Variants in SEMA6D observed in about 807,000 individuals in gnomAD.
SEMA6D encodes semaphorin-6D.
A neutral mutation model predicts 106.6 loss-of-function variants in SEMA6D; 35 were observed. The observed-to-expected ratio is 0.33, with a 90% CI of 0.25 to 0.44. The LOEUF is 0.44. Ranked by LOEUF, SEMA6D falls within the 20% of genes least tolerant of loss-of-function variation. The pLI, the probability that SEMA6D is intolerant of heterozygous loss-of-function variation, is 1.00. For synonymous variants in SEMA6D, 499 were observed against 487.7 expected, an observed-to-expected ratio of 1.02 and a Z score of -0.31; for missense variants, 1,185 against 1,345.9, an observed-to-expected ratio of 0.88 and a Z score of 1.87.
At chr15:47,281,908 G>T (rs1283266966) in intron 1 of SEMA6D, among the ~76,000 whole-genome samples, 1 of 151,868 alleles carries the variant, frequency 6.6e-6, no homozygotes, top group Non-Finnish European at 1.5e-5. Flanking sequence ...TACAAATAAG[G>T]ATATTAAAGC....
At chr15:47,422,389 T>C (rs974490495) in intron 2 of SEMA6D, among the ~76,000 whole-genome samples, 4 of 152,026 alleles carry the variant, frequency 2.6e-5, no homozygotes, top group Non-Finnish European at 5.9e-5. Flanking sequence ...AAGCTCAGTT[T>C]CTTGATTGAT....
chr15:47,700,772 T>C (rs2078794054), intron 4 of SEMA6D, among the ~76,000 whole-genome samples: 1 of 151,970 alleles, frequency 6.6e-6, no homozygotes, highest in African/African-American at 2.4e-5. Context: ...TTTTAAAGTA[T>C]AGTATTGGCA....
rs548151024 is a variant in SEMA6D, at chr15:47,682,706, C to T, written c.-54-77039C>T. 3.3e-5 allele frequency among the ~76,000 whole-genome samples: 5 copies of T among 152,314 alleles called. No individual in the cohort carries two copies. In the East Asian group the frequency reaches 9.7e-4, roughly 29 times the overall value. On this transcript the variant is annotated intron_variant, in intron 4 of 19. Coordinates refer to the SEMA6D transcript ENST00000558014. ...AAAGACCAATTAAACTACTGCAAATCATTCGGTACCATTGCTCTAAGAATA... is the reference window on the plus strand; with the variant it reads ...AAAGACCAATTAAACTACTGCAAATTATTCGGTACCATTGCTCTAAGAATA...
chr15:47,379,031 A>G (rs1309616276), intron 1 of SEMA6D, among the ~76,000 whole-genome samples: 1 of 152,234 alleles, frequency 6.6e-6, no homozygotes, highest in African/African-American at 2.4e-5. Context: ...ATTATGTTGG[A>G]AGATTTTTTC....
intron 1 of SEMA6D, among the ~76,000 whole-genome samples, chr15:47,233,412 A>G (rs556747235): frequency 4.6e-5 from 7 of 152,092 alleles, no homozygotes; most frequent in Non-Finnish European, 7.4e-5. Flanking sequence ...CATTTTGGCT[A>G]TTTGGGATTT....
intron 4 of SEMA6D, among the ~76,000 whole-genome samples, chr15:47,630,744 G>A (rs116276163): frequency 0.013 from 1,935 of 151,792 alleles, 43 homozygotes; most frequent in African/African-American, 0.044. Flanking sequence ...TTGTGGATGC[G>A]TATTATTGAG....
chr15:47,271,274 T>G (rs1289760638), intron 1 of SEMA6D, among the ~76,000 whole-genome samples: 1 of 151,970 alleles, frequency 6.6e-6, no homozygotes, highest in East Asian at 1.9e-4. Context: ...GAAAAGGAAG[T>G]GGGTCTAGGG....
chr15:47,566,820 T>C (rs1243969411), intron 3 of SEMA6D, among the ~76,000 whole-genome samples: 1 of 152,194 alleles, frequency 6.6e-6, no homozygotes, highest in Non-Finnish European at 1.5e-5. Flanking sequence ...GTGATAGTGT[T>C]TAACACAGGC....
intron 1 of SEMA6D, among the ~76,000 whole-genome samples, chr15:47,250,844 C>G (rs976568620): frequency 6.6e-6 from 1 of 152,148 alleles, no homozygotes; most frequent in Non-Finnish European, 1.5e-5. Flanking sequence ...TGAATAGTTG[C>G]CATGTTTTCA....
At chr15:47,526,485 C>G (rs1314381836) in intron 3 of SEMA6D, among the ~76,000 whole-genome samples, 1 of 152,160 alleles carries the variant, frequency 6.6e-6, no homozygotes, top group Non-Finnish European at 1.5e-5. Context: ...TATTAATAAT[C>G]CTCCCAAAAG....
chr15:47,366,360 G>A (rs959881465), intron 1 of SEMA6D, among the ~76,000 whole-genome samples: 3 of 152,204 alleles, frequency 2.0e-5, no homozygotes, highest in African/African-American at 4.8e-5. Context: ...GCAAAGCCAC[G>A]TGTGGCAGCT....
intron 2 of SEMA6D, among the ~76,000 whole-genome samples, chr15:47,455,754 C>T (rs2042327805): frequency 6.6e-6 from 1 of 151,880 alleles, no homozygotes; most frequent in Non-Finnish European, 1.5e-5. Context: ...AAGAGAATGG[C>T]AATCAGAAGC....
At chr15:47,392,982 A>G (rs1320150710) in intron 1 of SEMA6D, among the ~76,000 whole-genome samples, 1 of 152,232 alleles carries the variant, frequency 6.6e-6, no homozygotes, top group African/African-American at 2.4e-5. Context: ...TATTGAGAAC[A>G]CTGCATTTCT....
At chr15:47,661,310 C>T (rs2145190416) in intron 4 of SEMA6D, among the ~76,000 whole-genome samples, 1 of 152,276 alleles carries the variant, frequency 6.6e-6, no homozygotes, top group East Asian at 1.9e-4. Flanking sequence ...TGAACAAAAA[C>T]AAAATAAAAG....
intron 3 of SEMA6D, among the ~76,000 whole-genome samples, chr15:47,582,896 C>A (rs914476985): frequency 6.6e-6 from 1 of 151,330 alleles, no homozygotes; most frequent in African/African-American, 2.4e-5. Context: ...ACTGCTATAC[C>A]TTTATGCCTT....
intron 1 of SEMA6D, chr15:47,396,796 C>A (rs1265404200): frequency 1.3e-5 from 2 of 152,122 alleles, no homozygotes; most frequent in African/African-American, 4.8e-5. Flanking sequence ...CAAGTTGATA[C>A]TTAGTATTAA....
intron 4 of SEMA6D, among the ~76,000 whole-genome samples, chr15:47,658,355 T>G (rs191331769): frequency 6.6e-6 from 1 of 152,252 alleles, no homozygotes; most frequent in African/African-American, 2.4e-5. Context: ...TTTTCTCAAC[T>G]CTTACACGCC....
intron 1 of SEMA6D, among the ~76,000 whole-genome samples, chr15:47,400,972 C>A (rs376411503): frequency 2.4e-4 from 37 of 152,234 alleles, no homozygotes; most frequent in African/African-American, 8.4e-4. Flanking sequence ...GGTTTGAATC[C>A]CACTGCTGTC....
chr15:47,452,843 T>C (rs1279059388), intron 2 of SEMA6D, among the ~76,000 whole-genome samples: 4 of 151,992 alleles, frequency 2.6e-5, no homozygotes, highest in Non-Finnish European at 5.9e-5. Context: ...TTCTGTTCAG[T>C]AATTTATTAT....
Sources: allele counts gnomAD v4.1 joint callset (sites outside exome capture counted in the v4.1 genomes callset), GRCh38; gene constraint gnomAD v4.1.1; transcripts MANE v1.5; gene names NCBI Gene and HGNC (gene_info 2026-07-23, HGNC 2026-07-21).